The following STAM variants were observed in gnomAD, a reference collection of about 807,000 sequenced individuals.
STAM encodes signal transducing adaptor molecule, also known as signal transducing adapter molecule 1.
In STAM, 16 loss-of-function variants were observed where a neutral mutation model predicts 63.4. That is an observed-to-expected ratio of 0.25 (90% CI 0.17 to 0.38). STAM has a LOEUF of 0.38. Ranked by LOEUF, STAM falls within the 10% of genes least tolerant of loss-of-function variation. STAM has a pLI of 1.00. For synonymous variants in STAM, 238 were observed against 223.9 expected, an observed-to-expected ratio of 1.06 and a Z score of -0.56; for missense variants, 636 against 657.1, an observed-to-expected ratio of 0.97 and a Z score of 0.35.
At chr10:17,692,506 G>C (rs1279635660) in intron 5 of STAM, among the ~76,000 whole-genome samples, 2 of 152,164 alleles carry the variant, frequency 1.3e-5, no homozygotes, top group African/African-American at 2.4e-5. Context: ...CTGGCAGAAT[G>C]GTTGGAAATG....
At chr10:17,695,340 A>G in intron 7 of STAM, 99 bp downstream of exon 7, 1 of 1,133,002 alleles carries the variant, frequency 8.8e-7, no homozygotes, top group Non-Finnish European at 1.2e-6. Flanking sequence ...ACAATAATAA[A>G]TATTGACCCA....
intron 5 of STAM, among the ~76,000 whole-genome samples, chr10:17,691,956 C>T (rs1835554624): frequency 6.6e-6 from 1 of 152,162 alleles, no homozygotes; most frequent in Non-Finnish European, 1.5e-5. Context: ...ATGTGTATTA[C>T]CTCTACATAC....
Position 17,705,579 on chromosome 10 carries a change from A to T in STAM, c.1056-9A>T, listed in dbSNP as rs1554829121. ...CAGCTATGCTTCAAATTATTGTGTCATGTTTCAGAAAACATTCAGAACTCT... is the reference window on the plus strand; with the variant it reads ...CAGCTATGCTTCAAATTATTGTGTCTTGTTTCAGAAAACATTCAGAACTCT... On this transcript the variant is annotated splice_polypyrimidine_tract_variant and intron_variant, in intron 11 of 13. Transcript: ENST00000377524. The T allele has an allele frequency of 1.2e-6, 2 of 1,609,018 alleles. No homozygotes were observed. Among genetic ancestry groups the T allele is most frequent in the Non-Finnish European group, 1.7e-6 (2 of 1,178,292 alleles).
intron 12 of STAM, among the ~76,000 whole-genome samples, chr10:17,708,286 A>G (rs1402315814): frequency 6.6e-6 from 1 of 152,166 alleles, no homozygotes; most frequent in Non-Finnish European, 1.5e-5. Context: ...AACTTAAAAT[A>G]TTTACGTCAG....
At chr10:17,667,841 C>T (rs1834459140) in intron 2 of STAM, among the ~76,000 whole-genome samples, 2 of 152,180 alleles carry the variant, frequency 1.3e-5, no homozygotes, top group Admixed American at 1.3e-4. Flanking sequence ...CTGAATGCTA[C>T]AAGGTAGAGA....
At chr10:17,682,096 T>C (rs1477480069) in intron 2 of STAM, among the ~76,000 whole-genome samples, 1 of 152,230 alleles carries the variant, frequency 6.6e-6, no homozygotes, top group Non-Finnish European at 1.5e-5. Flanking sequence ...TTGACAAATA[T>C]ATATACCTAT....
chr10:17,673,083 G>A (rs1018609421), intron 2 of STAM: 85 of 975,920 alleles, frequency 8.7e-5, no homozygotes, highest in Non-Finnish European at 1.0e-4. Flanking sequence ...AAACAGGTAG[G>A]TGATGGAAAC....
At chr10:17,663,800 A>G (rs1387418091) in intron 2 of STAM, among the ~76,000 whole-genome samples, 3 of 152,032 alleles carry the variant, frequency 2.0e-5, no homozygotes, top group Non-Finnish European at 4.4e-5. Flanking sequence ...TTGCTCATGT[A>G]TGTATTTTCT....
rs371763125 is a variant in STAM at position 17,662,079 on chromosome 10, A to AT, written c.125+1539dup. Among the ~76,000 whole-genome samples, 343 of 151,714 alleles carry AT rather than the reference A, an allele frequency of 2.3e-3. 2 individuals carry two copies. The highest frequency in any genetic ancestry group is 7.8e-3 in the African/African-American group (324 of 41,342). On this transcript the variant is annotated intron_variant, in intron 2 of 13. Transcript: ENST00000377524. ...TAGGCTAGCGAATTAACCCACTGGC[A>AT]TTTTTTTTCTGTTTCCATCTCTTTT...
chr10:17,706,669 G>A (rs1236783924), intron 12 of STAM, among the ~76,000 whole-genome samples: 1 of 151,970 alleles, frequency 6.6e-6, no homozygotes, highest in African/African-American at 2.4e-5. Context: ...GTGAGCCATC[G>A]CGCCCGGCCG....
intron 2 of STAM, among the ~76,000 whole-genome samples, chr10:17,682,033 T>C (rs1554825442): frequency 6.6e-6 from 1 of 152,248 alleles, no homozygotes; most frequent in African/African-American, 2.4e-5. Context: ...CTGTGATTTA[T>C]CTACAACAAA....
intron 2 of STAM, among the ~76,000 whole-genome samples, chr10:17,666,689 G>C (rs1288634346): frequency 6.6e-6 from 1 of 152,120 alleles, no homozygotes; most frequent in Non-Finnish European, 1.5e-5. Context: ...GAGCCACCCT[G>C]CCTGGCCTTT....
intron 9 of STAM, among the ~76,000 whole-genome samples, chr10:17,701,701 T>A (rs1442466047): frequency 6.6e-6 from 1 of 152,204 alleles, no homozygotes; most frequent in Non-Finnish European, 1.5e-5. Context: ...GAGAACATTC[T>A]CTCCTACCAT....
At chr10:17,650,620 A>G (rs1447519758) in intron 1 of STAM, among the ~76,000 whole-genome samples, 2 of 152,212 alleles carry the variant, frequency 1.3e-5, no homozygotes, top group Admixed American at 6.5e-5. Flanking sequence ...TATGCCCTCA[A>G]GGATTCCAGG....
chr10:17,714,965 C>CCG lies in STAM; in HGVS notation c.*186_*187insGC, dbSNP rs1193744979. 1.3e-4 allele frequency: 79 copies of CCG among 601,282 alleles called. No individual in the cohort carries two copies. The highest frequency in any genetic ancestry group is 2.3e-4 in the East Asian group (8 of 35,332). 37.2% of individuals were successfully genotyped at this position (601,282 alleles called of 1,614,324 possible). A position where few individuals can be genotyped will look rare whatever the true frequency, so the allele number is the denominator to read the frequency against. ...CTGACTTTTTAGAGGTTCTTCCCCCCCCGCCCCTGCAGAGGAATGAAACTA... is the reference window on the plus strand; with the variant it reads ...CTGACTTTTTAGAGGTTCTTCCCCCCCGCCGCCCCTGCAGAGGAATGAAACTA... On this transcript the variant is annotated 3_prime_UTR_variant, in exon 14 of 14. Transcript: ENST00000377524.
intron 12 of STAM, among the ~76,000 whole-genome samples, chr10:17,706,369 CTTTTTTTT>C (rs59585445): frequency 4.3e-5 from 3 of 70,184 alleles, no homozygotes; most frequent in African/African-American, 1.2e-4. Context: ...GGTTGAGGCC[CTTTTTTTT>C]TTTTTTTTTT....
intron 1 of STAM, among the ~76,000 whole-genome samples, chr10:17,647,984 T>G (rs1554821074): frequency 6.6e-6 from 1 of 151,718 alleles, no homozygotes; most frequent in African/African-American, 2.4e-5. Flanking sequence ...CCAAACCTGC[T>G]CATTCCTTCA....
chr10:17,669,778 AAT>A, intron 2 of STAM, among the ~76,000 whole-genome samples: 3 of 150,012 alleles, frequency 2.0e-5, no homozygotes, highest in African/African-American at 7.3e-5. Context: ...GCTCACCGCA[AAT>A]GCCGCCTCCC....
intron 2 of STAM, among the ~76,000 whole-genome samples, chr10:17,669,890 T>C (rs1268194182): frequency 1.4e-5 from 2 of 147,868 alleles, no homozygotes; most frequent in African/African-American, 2.5e-5. Context: ...TTTTCTTTTT[T>C]TTTTTTTTTT....
Sources: gnomAD v4.1 joint callset for allele counts (sites outside exome capture counted in the v4.1 genomes callset) on GRCh38, gnomAD v4.1.1 for gene constraint, MANE v1.5 for transcripts, NCBI Gene and HGNC (gene_info 2026-07-23, HGNC 2026-07-21) for gene names.